The following CDYL2 variants were observed in gnomAD, a reference collection of about 807,000 sequenced individuals.
CDYL2 encodes the protein chromodomain Y-like protein 2.
CDYL2 carries 23 observed loss-of-function variants against 49.4 expected under a neutral mutation model. The ratio of observed to expected loss-of-function variants is 0.47; its 90% confidence interval spans 0.34 to 0.66. CDYL2 has a LOEUF of 0.66. CDYL2 is among the 30% of genes least tolerant of loss of function. The pLI is 0.01. For synonymous variants in CDYL2, 360 were observed against 268.8 expected, an observed-to-expected ratio of 1.34 and a Z score of -3.32; for missense variants, 678 against 656.4, an observed-to-expected ratio of 1.03 and a Z score of -0.36.
chr16:80,735,278 ATT>A (rs1018929416), intron 1 of CDYL2: 12 of 152,202 alleles, frequency 7.9e-5, no homozygotes, highest in African/African-American at 2.9e-4. Context: ...GAAAATTCAT[ATT>A]GTCTCTACTC....
chr16:80,617,442 C>G (rs369718930), intron 4 of CDYL2, among the ~76,000 whole-genome samples: 8 of 152,354 alleles, frequency 5.3e-5, no homozygotes, highest in African/African-American at 1.9e-4. Flanking sequence ...CAGGAGCAGG[C>G]ACAGAACTTG....
chr16:80,608,299 C>T, intron 5 of CDYL2, 64 bp from the exon 6 acceptor site: 2 of 1,451,438 alleles, frequency 1.4e-6, no homozygotes, highest in Non-Finnish European at 1.8e-6. Flanking sequence ...CTCAGCTGGT[C>T]CAGGGCTTGC....
At chr16:80,754,678 C>T (rs1219903326) in intron 1 of CDYL2, among the ~76,000 whole-genome samples, 1 of 152,202 alleles carries the variant, frequency 6.6e-6, no homozygotes, top group African/African-American at 2.4e-5. Context: ...ATGGTACTAA[C>T]TCCACATCAG....
rs563309913 is a variant in CDYL2, at chr16:80,670,277, T to G, written c.616+14261A>C. On this transcript the variant is annotated intron_variant, in intron 2 of 6. Coordinates refer to ENST00000570137, the MANE Select transcript of CDYL2 (RefSeq NM_152342.4). Reference sequence around the variant, plus strand: ...TGTGGTGGGAGGGACCCAGTGGGAGTTGACTGGATCACGGGGGGCGGTTAC... The same window carrying G: ...TGTGGTGGGAGGGACCCAGTGGGAGGTGACTGGATCACGGGGGGCGGTTAC... Among the ~76,000 whole-genome samples the G allele has an allele frequency of 1.4e-3, 185 of 128,916 alleles. 1 individual carries two copies. Among genetic ancestry groups the G allele is most frequent in the African/African-American group, 4.3e-3 (176 of 40,758 alleles). The allele number at this position is 128,916 out of a possible 152,430, so 84.6% of individuals were successfully genotyped here.
intron 2 of CDYL2, among the ~76,000 whole-genome samples, chr16:80,682,158 T>C (rs1281264485): frequency 6.6e-6 from 1 of 152,140 alleles, no homozygotes; most frequent in Non-Finnish European, 1.5e-5. Context: ...ACCAGTGCCT[T>C]AACCTTACGG....
At chr16:80,632,659 T>C (rs979790090) in intron 3 of CDYL2, 2 of 268,896 alleles carry the variant, frequency 7.4e-6, no homozygotes, top group East Asian at 7.7e-5. Context: ...GTGAATTATA[T>C]CTGCGGCCAA....
At chr16:80,639,779 G>A (rs903863492) in intron 2 of CDYL2, 1 of 454,902 alleles carries the variant, frequency 2.2e-6, no homozygotes, top group Non-Finnish European at 4.4e-6. Context: ...CAGTAGTGTG[G>A]TATGGAAAGC....
chr16:80,627,230 T>C (rs1417929559), intron 3 of CDYL2, among the ~76,000 whole-genome samples: 1 of 152,008 alleles, frequency 6.6e-6, no homozygotes, highest in Non-Finnish European at 1.5e-5. Flanking sequence ...CTTTAATCCA[T>C]CTGCCTCCAG....
chr16:80,797,553 T>C (rs1271948609), intron 1 of CDYL2, among the ~76,000 whole-genome samples: 1 of 152,128 alleles, frequency 6.6e-6, no homozygotes, highest in Non-Finnish European at 1.5e-5. Flanking sequence ...CACCCTTCTA[T>C]CCTTACCTTT....
chr16:80,731,097 A>G (rs189849080), intron 1 of CDYL2, among the ~76,000 whole-genome samples: 2 of 152,348 alleles, frequency 1.3e-5, no homozygotes, highest in East Asian at 3.9e-4. Flanking sequence ...AATATGTACA[A>G]ATTGTTGTAC....
chr16:80,764,530 A>G (rs1016199587), intron 1 of CDYL2, among the ~76,000 whole-genome samples: 10 of 152,186 alleles, frequency 6.6e-5, no homozygotes, highest in African/African-American at 2.2e-4. Context: ...TATCAATACT[A>G]AAATCTTTAT....
At chr16:80,765,433 A>T (rs1174471071) in intron 1 of CDYL2, among the ~76,000 whole-genome samples, 1 of 151,756 alleles carries the variant, frequency 6.6e-6, no homozygotes, top group Non-Finnish European at 1.5e-5. Flanking sequence ...AATTCCTAAC[A>T]TAAAAAGCAT....
chr16:80,785,240 T>C (rs1277537952), intron 1 of CDYL2, among the ~76,000 whole-genome samples: 3 of 152,198 alleles, frequency 2.0e-5, no homozygotes, highest in Non-Finnish European at 4.4e-5. Flanking sequence ...AAAATCTCCT[T>C]AAGCTGATAA....
Position 80,636,470 on chromosome 16 carries a change from G to A in CDYL2, c.617-3234C>T, listed in dbSNP as rs148239691. Among the ~76,000 whole-genome samples the A allele has an allele frequency of 6.6e-3, 1,010 of 152,292 alleles. 6 individuals are homozygous for A. The highest frequency in any genetic ancestry group is 9.7e-3 in the Non-Finnish European group (662 of 68,026). On this transcript the variant is annotated intron_variant, in intron 2 of 6. Coordinates refer to ENST00000570137, the MANE Select transcript of CDYL2 (RefSeq NM_152342.4). ...CATGAAAAAAAGCTCATCATCACCG[G>A]TCATTACAGAAATGCAAATCAAAAT...
intron 1 of CDYL2, among the ~76,000 whole-genome samples, chr16:80,746,332 G>A (rs967847629): frequency 6.6e-5 from 10 of 152,142 alleles, no homozygotes; most frequent in Non-Finnish European, 1.2e-4. Context: ...AATCCCAAGC[G>A]CTATGAATTC....
chr16:80,610,855 C>T (rs2142363403), intron 5 of CDYL2, among the ~76,000 whole-genome samples: 1 of 152,304 alleles, frequency 6.6e-6, no homozygotes, highest in Non-Finnish European at 1.5e-5. Flanking sequence ...ATGACATCTG[C>T]TGGCAGATGC....
chr16:80,677,593 G>T (rs1412677857), intron 2 of CDYL2, among the ~76,000 whole-genome samples: 1 of 152,030 alleles, frequency 6.6e-6, no homozygotes, highest in Non-Finnish European at 1.5e-5. Context: ...AAAAAAATCA[G>T]CTGGGCATGG....
At chr16:80,632,806 A>G in intron 3 of CDYL2, 3 of 532,806 alleles carry the variant, frequency 5.6e-6, no homozygotes, top group Non-Finnish European at 1.0e-5. Flanking sequence ...GTCTTCATCC[A>G]TAAGATGAGA....
At chr16:80,696,564 C>A (rs1431997319) in intron 1 of CDYL2, among the ~76,000 whole-genome samples, 2 of 151,888 alleles carry the variant, frequency 1.3e-5, no homozygotes, top group Non-Finnish European at 2.9e-5. Flanking sequence ...TTCTTAGAGA[C>A]TGTTACAAAC....
Sources: gnomAD v4.1 joint callset for allele counts (sites outside exome capture counted in the v4.1 genomes callset) on GRCh38, gnomAD v4.1.1 for gene constraint, MANE v1.5 for transcripts, NCBI Gene and HGNC (gene_info 2026-07-23, HGNC 2026-07-21) for gene names.